AHCYL2: variants seen among roughly 807,000 people sequenced by gnomAD.
AHCYL2 encodes S-adenosylhomocysteine hydrolase-like protein 2.
Under a neutral mutation model 81.4 loss-of-function variants are expected in AHCYL2, and 28 were observed. That is an observed-to-expected ratio of 0.34 (90% CI 0.25 to 0.47). The LOEUF (loss-of-function observed/expected upper bound fraction) is 0.47. Ranked by LOEUF, AHCYL2 falls within the 20% of genes least tolerant of loss-of-function variation. AHCYL2 has a pLI of 1.00. For missense variants in AHCYL2, 551 were observed against 785.1 expected (o/e 0.70, Z 3.56); for synonymous variants, 272 against 290.2 (o/e 0.94, Z 0.64).
rs1247045843 is a variant in AHCYL2, at chr7:129,427,215, T to C, written c.*170T>C. 1.5e-6 allele frequency: 1 copy of C among 670,988 alleles called. No individual in the cohort carries two copies. Among genetic ancestry groups the C allele is most frequent in the African/African-American group, 1.8e-5 (1 of 54,070 alleles). The allele number at this position is 670,988 out of a possible 1,614,324, so 41.6% of individuals were successfully genotyped here. A position where few individuals can be genotyped will look rare whatever the true frequency, so the allele number is the denominator to read the frequency against. ...AAAATCAAGAATCCTGTGCCTGTAG[T>C]GTTGGCCCAGAGTGTGGTTACTGCC... On this transcript the variant is annotated 3_prime_UTR_variant, in exon 17 of 17. Transcript: ENST00000325006. This position sits in a 1 kb window ranked among gnomAD's most constrained non-coding sequence, Gnocchi z 5.5.
intron 1 of AHCYL2, among the ~76,000 whole-genome samples, chr7:129,352,971 TTCTC>T (rs1393091052): frequency 1.4e-5 from 2 of 146,588 alleles, no homozygotes; most frequent in Non-Finnish European, 3.0e-5. Context: ...GGTGCAGAGT[TTCTC>T]TCTTGTTGCC....
At chr7:129,423,978 C>G (rs1297302718) in intron 13 of AHCYL2, among the ~76,000 whole-genome samples, 1 of 152,052 alleles carries the variant, frequency 6.6e-6, no homozygotes, top group East Asian at 1.9e-4. Context: ...GGAGGTCCCA[C>G]CTGGTAATTT....
At chr7:129,246,709 C>T (rs1409445467) in intron 1 of AHCYL2, among the ~76,000 whole-genome samples, 1 of 152,080 alleles carries the variant, frequency 6.6e-6, no homozygotes, top group Non-Finnish European at 1.5e-5. Flanking sequence ...GTTGCCCAGG[C>T]AAGTCTCAAA....
intron 1 of AHCYL2, among the ~76,000 whole-genome samples, chr7:129,365,482 G>T (rs996243597): frequency 2.0e-5 from 3 of 151,972 alleles, no homozygotes; most frequent in African/African-American, 4.8e-5. Flanking sequence ...TTGGAAATTG[G>T]AGTTATATAG....
At chr7:129,265,581 G>A (rs1259386772) in intron 1 of AHCYL2, among the ~76,000 whole-genome samples, 2 of 152,150 alleles carry the variant, frequency 1.3e-5, no homozygotes, top group East Asian at 1.9e-4. Flanking sequence ...AAGGAGGCAC[G>A]TGCAGCTGGA....
At position 129,426,101 on chromosome 7, in the gene AHCYL2, C is replaced by T. The variant is rs542326314; in HGVS notation, c.1709-342C>T. On this transcript the variant is annotated intron_variant, in intron 15 of 16. Transcript: ENST00000325006. This position sits in a 1 kb window ranked among gnomAD's most constrained non-coding sequence, Gnocchi z 4.3. ...CCAAAGTATGGAGTCCAAGGCAAAA[C>T]TCAAGTTGGAGCTTCCCATTATTTA... 6.6e-6 allele frequency among the ~76,000 whole-genome samples: 1 copy of T among 152,334 alleles called. No homozygotes were observed. The highest frequency in any genetic ancestry group is 6.5e-5 in the Admixed American group (1 of 15,300).
chr7:129,338,339 G>A (rs1385275258), intron 1 of AHCYL2, among the ~76,000 whole-genome samples: 1 of 151,590 alleles, frequency 6.6e-6, no homozygotes, highest in Non-Finnish European at 1.5e-5. Flanking sequence ...TTTTTCTGTA[G>A]AGACTGGAGG....
In AHCYL2 at chr7:129,333,199, G is replaced by T. The variant is rs1386658995; in HGVS notation, c.364-46439G>T. 5.3e-5 allele frequency among the ~76,000 whole-genome samples: 8 copies of T among 151,610 alleles called. No homozygotes were observed. In the East Asian group the frequency reaches 1.6e-3, roughly 29 times the overall value. On this transcript the variant is annotated intron_variant, in intron 1 of 16. Coordinates refer to ENST00000325006, the MANE Select transcript of AHCYL2 (RefSeq NM_015328.4). Reference sequence around the variant, plus strand: ...AAAGTAGTTCCAGGGGCCAGGCACGGTGGCTCACGCCTGTAATCCCAGCAC... The same window carrying T: ...AAAGTAGTTCCAGGGGCCAGGCACGTTGGCTCACGCCTGTAATCCCAGCAC...
chr7:129,398,485 T>A (rs919575411), intron 5 of AHCYL2, among the ~76,000 whole-genome samples: 1 of 151,730 alleles, frequency 6.6e-6, no homozygotes, highest in Non-Finnish European at 1.5e-5. Context: ...TTCAAGCGAT[T>A]CTCCTGCCTC....
intron 2 of AHCYL2, chr7:129,388,112 A>T (rs146973965): frequency 7.7e-4 from 117 of 152,334 alleles, no homozygotes; most frequent in African/African-American, 2.6e-3. Flanking sequence ...GGCAGTACTT[A>T]TTCCATTGAG....
intron 1 of AHCYL2, among the ~76,000 whole-genome samples, chr7:129,267,156 T>A (rs1795837077): frequency 6.6e-6 from 1 of 151,992 alleles, no homozygotes; most frequent in Admixed American, 6.6e-5. Context: ...ATCTGAAATT[T>A]AACATGAGTG....
intron 4 of AHCYL2, among the ~76,000 whole-genome samples, chr7:129,391,948 CTT>C: frequency 6.6e-6 from 1 of 152,262 alleles, no homozygotes; most frequent in South Asian, 2.1e-4. Context: ...ACTCTTGAAT[CTT>C]TTTTGGCCTG....
chr7:129,231,721 A>C (rs1206156059), intron 1 of AHCYL2, among the ~76,000 whole-genome samples: 2 of 152,176 alleles, frequency 1.3e-5, no homozygotes, highest in Non-Finnish European at 2.9e-5. Context: ...TTATAGTCTG[A>C]ATGACCTATG....
intron 1 of AHCYL2, among the ~76,000 whole-genome samples, chr7:129,267,390 C>T (rs1795851573): frequency 6.6e-6 from 1 of 151,988 alleles, no homozygotes; most frequent in South Asian, 2.1e-4. Flanking sequence ...CTGCAAACTC[C>T]ACCTCCCAGG....
At chr7:129,328,168 G>A (rs1798292442) in intron 1 of AHCYL2, among the ~76,000 whole-genome samples, 1 of 151,918 alleles carries the variant, frequency 6.6e-6, no homozygotes, top group African/African-American at 2.4e-5. Context: ...TGCATTTCCT[G>A]ATTTGGCTTT....
At chr7:129,334,101 G>A (rs1372108043) in intron 1 of AHCYL2, among the ~76,000 whole-genome samples, 5 of 152,168 alleles carry the variant, frequency 3.3e-5, no homozygotes, top group Admixed American at 1.3e-4. Context: ...TTAGTGGATA[G>A]TTGAGTTGTT....
chr7:129,257,924 T>C (rs1795481891), intron 1 of AHCYL2, among the ~76,000 whole-genome samples: 1 of 152,236 alleles, frequency 6.6e-6, no homozygotes. Context: ...TTACATACTT[T>C]ACAAGAAAAC....
chr7:129,399,811 C>T (rs1795940641), intron 5 of AHCYL2, among the ~76,000 whole-genome samples: 1 of 150,734 alleles, frequency 6.6e-6, no homozygotes, highest in Non-Finnish European at 1.5e-5. Flanking sequence ...ACTGCAACCT[C>T]CACCTCCCAG....
intron 1 of AHCYL2, among the ~76,000 whole-genome samples, chr7:129,294,624 C>T (rs1463479566): frequency 6.6e-6 from 1 of 152,180 alleles, no homozygotes; most frequent in East Asian, 1.9e-4. Flanking sequence ...CTTTCTACTA[C>T]ACCATGTTAA....
Sources: gnomAD v4.1 joint callset for allele counts (sites outside exome capture counted in the v4.1 genomes callset) on GRCh38, gnomAD v4.1.1 for gene constraint, Gnocchi (gnomAD v3.1) non-coding constraint, MANE v1.5 for transcripts, NCBI Gene and HGNC (gene_info 2026-07-23, HGNC 2026-07-21) for gene names.